MMD2: variants seen among roughly 807,000 people sequenced by gnomAD.
The protein encoded by MMD2 is monocyte to macrophage differentiation associated 2, also known as monocyte to macrophage differentiation factor 2.
In MMD2, 30 loss-of-function variants were observed where a neutral mutation model predicts 33.5. That is an observed-to-expected ratio of 0.90 (90% confidence interval 0.67 to 1.22). The LOEUF is 1.22. Ranked by LOEUF, MMD2 falls within the 50% of genes most tolerant of loss-of-function variation. The pLI is 0.00. For missense variants in MMD2, 364 were observed against 325.4 expected, an observed-to-expected ratio of 1.12 and a Z score of -0.91; for synonymous variants, 129 against 123.0, an observed-to-expected ratio of 1.05 and a Z score of -0.32.
intron 1 of MMD2, among the ~76,000 whole-genome samples, chr7:4,937,163 G>A (rs1049247351): frequency 1.7e-4 from 26 of 151,470 alleles, no homozygotes; most frequent in Admixed American, 1.6e-3. Flanking sequence ...TTGGGAGGCT[G>A]AGGCGGGTGG....
In MMD2 at chr7:4,906,873, A is replaced by C. The variant is rs73673940; in HGVS notation, c.*523T>G. ...GCTGGGAAGAATTCTGACATCACCC[A>C]TGTGCTGCACTTGATTGGTGATGTC... On this transcript the variant is annotated 3_prime_UTR_variant, in exon 7 of 7. Transcript: ENST00000401401. 9.1e-3 allele frequency: 2,448 copies of C among 268,262 alleles called. 55 individuals carry two copies. Among genetic ancestry groups the C allele is most frequent in the African/African-American group, 0.049 (2,226 of 45,470 alleles). The allele number at this position is 268,262 out of a possible 1,614,324, so 16.6% of individuals were successfully genotyped here. A position where few individuals can be genotyped will look rare whatever the true frequency, so the allele number is the denominator to read the frequency against.
chr7:4,950,102 TGTG>T (rs1226008704), intron 1 of MMD2, among the ~76,000 whole-genome samples: 7 of 145,324 alleles, frequency 4.8e-5, no homozygotes, highest in Admixed American at 4.2e-4. Flanking sequence ...TGTGTGTGTG[TGTG>T]TTGTGTGTGT....
intron 1 of MMD2, among the ~76,000 whole-genome samples, chr7:4,949,519 C>CTT (rs941391022): frequency 6.9e-6 from 1 of 144,966 alleles, no homozygotes; most frequent in Non-Finnish European, 1.5e-5. Context: ...GAATCTCAGT[C>CTT]TTTTTTTTTT....
the MMD2 span, among the ~76,000 whole-genome samples, chr7:4,900,819 G>A: frequency 7.2e-5 from 11 of 152,124 alleles, no homozygotes; most frequent in African/African-American, 2.7e-4. Flanking sequence ...TCCTGCTAGG[G>A]TTGACTCTTC....
chr7:4,939,192 A>G (rs1785833450), intron 1 of MMD2, among the ~76,000 whole-genome samples: 1 of 150,278 alleles, frequency 6.7e-6, no homozygotes, highest in South Asian at 2.1e-4. Context: ...ACAGGGCGAG[A>G]CTCCGTCTCA....
intron 4 of MMD2, 38 bp from the exon 5 acceptor site, chr7:4,911,284 G>A (rs1785001176): frequency 6.6e-7 from 1 of 1,517,598 alleles, no homozygotes; most frequent in Non-Finnish European, 8.9e-7. Flanking sequence ...CCCTGAGGGG[G>A]GCCCACCAGG....
At chr7:4,929,333 C>T (rs970607770) in intron 1 of MMD2, among the ~76,000 whole-genome samples, 6 of 152,108 alleles carry the variant, frequency 3.9e-5, no homozygotes, top group Non-Finnish European at 7.4e-5. Flanking sequence ...CCGCAGCAGC[C>T]TCGCAGGGGC....
chr7:4,905,468 G>A (rs962867435), downstream of MMD2, among the ~76,000 whole-genome samples: 2 of 150,758 alleles, frequency 1.3e-5, no homozygotes, highest in East Asian at 2.0e-4. This position sits in a 1 kb window ranked among gnomAD's most constrained non-coding sequence, Gnocchi z 5.0. Context: ...AGGAAGGGGA[G>A]GAAAGGAGGG....
At chr7:4,935,910 C>T (rs1402469139) in intron 1 of MMD2, among the ~76,000 whole-genome samples, 3 of 151,888 alleles carry the variant, frequency 2.0e-5, no homozygotes, top group Non-Finnish European at 4.4e-5. Flanking sequence ...TTGGGCCGGG[C>T]GCGATGGCTC....
At chr7:4,945,132 T>C (rs1273071704) in intron 1 of MMD2, among the ~76,000 whole-genome samples, 1 of 149,164 alleles carries the variant, frequency 6.7e-6, no homozygotes, top group African/African-American at 2.5e-5. Flanking sequence ...TCTCTTTCCT[T>C]CTCCTTCTTC....
chr7:4,943,154 C>T (rs557703852), intron 1 of MMD2, among the ~76,000 whole-genome samples: 5 of 151,804 alleles, frequency 3.3e-5, no homozygotes, highest in East Asian at 1.9e-4. Context: ...AGATTACAGG[C>T]GCCTGCCACC....
chr7:4,898,938 GAAGCAAGC>G, the MMD2 span, among the ~76,000 whole-genome samples: 3 of 151,506 alleles, frequency 2.0e-5, no homozygotes, highest in Non-Finnish European at 2.9e-5. Flanking sequence ...AGGAAGGAAG[GAAGCAAGC>G]AAGCAAGCAA....
intron 1 of MMD2, among the ~76,000 whole-genome samples, chr7:4,929,147 G>A (rs1214260525): frequency 2.0e-5 from 3 of 152,090 alleles, no homozygotes; most frequent in East Asian, 1.9e-4. Context: ...CTCCAGGTTC[G>A]GGTGACTGCT....
chr7:4,906,442 G>C lies in MMD2; in HGVS notation c.*954C>G, dbSNP rs899671521. 5.0e-6 allele frequency: 2 copies of C among 398,510 alleles called. No homozygotes were observed. Among genetic ancestry groups the C allele is most frequent in the Admixed American group, 8.8e-5 (2 of 22,698 alleles). 24.7% of individuals were successfully genotyped at this position (398,510 alleles called of 1,614,324 possible). A position where few individuals can be genotyped will look rare whatever the true frequency, so the allele number is the denominator to read the frequency against. On this transcript the variant is annotated 3_prime_UTR_variant, in exon 7 of 7. Transcript: ENST00000401401. ...GCACCAAGAGAGAATCCAAATGTTG[G>C]CATCACAAACCTTAAGTATGGAGCA...
At chr7:4,952,485 G>C (rs966521963) in intron 1 of MMD2, among the ~76,000 whole-genome samples, 1 of 152,200 alleles carries the variant, frequency 6.6e-6, no homozygotes, top group Non-Finnish European at 1.5e-5. Flanking sequence ...TAGGCCGGGC[G>C]GCCACTGCCC....
At position 4,958,618 on chromosome 7, in the gene MMD2, G is replaced by T. The variant is rs1006749031; in HGVS notation, c.47+353C>A. 3.3e-5 allele frequency among the ~76,000 whole-genome samples: 5 copies of T among 152,194 alleles called. No homozygotes were observed. In the South Asian group the frequency reaches 8.3e-4, roughly 25 times the overall value. ...AACTGCCCGAGCGTAGCTGGCCTGG[G>T]CTCCAGGCGCTGCGCAAAGTGCTCT... On this transcript the variant is annotated intron_variant, in intron 1 of 6. Coordinates refer to ENST00000401401, the MANE Select transcript of MMD2 (RefSeq NM_198403.4).
chr7:4,903,194 C>T (rs1223559777), downstream of MMD2, among the ~76,000 whole-genome samples: 2 of 152,074 alleles, frequency 1.3e-5, no homozygotes, highest in African/African-American at 2.4e-5. Flanking sequence ...GCCGAGATTG[C>T]GCCACTGCAC....
chr7:4,912,143 A>G (rs1785030157), intron 4 of MMD2, among the ~76,000 whole-genome samples: 3 of 152,032 alleles, frequency 2.0e-5, no homozygotes, highest in Non-Finnish European at 2.9e-5. Context: ...AAAATAAAAA[A>G]TAGGAAGAAG....
At chr7:4,909,677 C>T (rs1784955587) in intron 6 of MMD2, 3 of 753,570 alleles carry the variant, frequency 4.0e-6, no homozygotes, top group South Asian at 2.9e-5. Flanking sequence ...CTCAAACTAT[C>T]CTCCCACCTC....
Sources: gnomAD v4.1 joint callset for allele counts (sites outside exome capture counted in the v4.1 genomes callset) on GRCh38, gnomAD v4.1.1 for gene constraint, Gnocchi (gnomAD v3.1) non-coding constraint, MANE v1.5 for transcripts, NCBI Gene and HGNC (gene_info 2026-07-23, HGNC 2026-07-21) for gene names.